The following RASSF8 variants were observed in gnomAD, a reference collection of about 807,000 sequenced individuals.
RASSF8 encodes ras association domain-containing protein 8.
A neutral mutation model predicts 48.5 loss-of-function variants in RASSF8; 22 were observed. That is an observed-to-expected ratio of 0.45 (90% confidence interval 0.32 to 0.65). RASSF8 has a LOEUF of 0.65. RASSF8 is among the 30% of genes least tolerant of loss of function. The probability of loss-of-function intolerance (pLI) is 0.03; values close to 1 mark genes in which losing one functional copy is unlikely to be tolerated. For missense variants in RASSF8, 418 were observed against 489.2 expected, an observed-to-expected ratio of 0.85 and a Z score of 1.37; for synonymous variants, 127 against 171.5, an observed-to-expected ratio of 0.74 and a Z score of 2.03.
At chr12:25,979,689 G>A (rs73077123) in intron 1 of RASSF8, among the ~76,000 whole-genome samples, 9 of 152,150 alleles carry the variant, frequency 5.9e-5, no homozygotes, top group African/African-American at 2.2e-4. Context: ...AGCAGAGCTA[G>A]GATTCGAGGC....
At chr12:26,059,186 A>G (rs138150319) in intron 3 of RASSF8, among the ~76,000 whole-genome samples, 105 of 152,344 alleles carry the variant, frequency 6.9e-4, no homozygotes, top group Non-Finnish European at 1.3e-3. Flanking sequence ...TTCTGCCCTC[A>G]GGCAGCTTAG....
intron 3 of RASSF8, among the ~76,000 whole-genome samples, chr12:26,062,458 C>T (rs61915666): frequency 0.052 from 7,960 of 152,234 alleles, 259 homozygotes; most frequent in East Asian, 0.11. Context: ...ATTTTACATT[C>T]TCACTTGAGT....
At chr12:25,984,534 G>C (rs977434550) in intron 1 of RASSF8, among the ~76,000 whole-genome samples, 1 of 152,090 alleles carries the variant, frequency 6.6e-6, no homozygotes, top group East Asian at 1.9e-4. Flanking sequence ...GTAGATACAG[G>C]GTTTCACCAT....
chr12:26,005,801 C>T (rs1422384540), intron 2 of RASSF8, among the ~76,000 whole-genome samples: 2 of 152,164 alleles, frequency 1.3e-5, no homozygotes, highest in Non-Finnish European at 2.9e-5. Flanking sequence ...TTTACTTTCT[C>T]CCAGATTTCA....
At chr12:26,054,630 G>A (rs1943562525) in intron 2 of RASSF8, among the ~76,000 whole-genome samples, 1 of 152,092 alleles carries the variant, frequency 6.6e-6, no homozygotes, top group South Asian at 2.1e-4. Flanking sequence ...TGGGGAGAGG[G>A]AGGCAAGGGA....
chr12:26,022,822 A>G (rs1420557732), intron 2 of RASSF8, among the ~76,000 whole-genome samples: 2 of 152,072 alleles, frequency 1.3e-5, no homozygotes, highest in African/African-American at 4.8e-5. Flanking sequence ...GCTCACTGCA[A>G]CTTCCGCCTC....
intron 1 of RASSF8, among the ~76,000 whole-genome samples, chr12:25,980,245 A>G (rs1050551300): frequency 7.2e-5 from 11 of 152,218 alleles, no homozygotes; most frequent in African/African-American, 2.7e-4. Context: ...GTGGGCCATT[A>G]TACTGTAATA....
intron 2 of RASSF8, among the ~76,000 whole-genome samples, chr12:26,029,313 A>T (rs1942980941): frequency 6.6e-6 from 1 of 152,152 alleles, no homozygotes; most frequent in Non-Finnish European, 1.5e-5. Flanking sequence ...AACATTGACA[A>T]CCCATGTTAT....
chr12:26,031,723 G>A (rs966019892), intron 2 of RASSF8, among the ~76,000 whole-genome samples: 2 of 152,146 alleles, frequency 1.3e-5, no homozygotes, highest in African/African-American at 4.8e-5. Context: ...TAGGGTCTGC[G>A]GGATCAGAGT....
At chr12:25,964,183 G>T (rs1275821094) in intron 1 of RASSF8, among the ~76,000 whole-genome samples, 1 of 152,006 alleles carries the variant, frequency 6.6e-6, no homozygotes, top group African/African-American at 2.4e-5. Flanking sequence ...CTGGTTACTT[G>T]GGTGACCTTG....
chr12:26,039,936 A>G (rs1943229388), intron 2 of RASSF8, among the ~76,000 whole-genome samples: 1 of 152,218 alleles, frequency 6.6e-6, no homozygotes, highest in Non-Finnish European at 1.5e-5. Context: ...TCTTTTCTAC[A>G]TAATCATGTA....
At chr12:26,013,179 C>G (rs989246134) in intron 2 of RASSF8, among the ~76,000 whole-genome samples, 5 of 152,180 alleles carry the variant, frequency 3.3e-5, no homozygotes, top group African/African-American at 1.2e-4. Flanking sequence ...CCTGTATTCT[C>G]GCTGTGTGGT....
At chr12:25,968,374 G>A (rs764832820) in intron 1 of RASSF8, among the ~76,000 whole-genome samples, 41 of 151,872 alleles carry the variant, frequency 2.7e-4, no homozygotes, top group African/African-American at 6.5e-4. Context: ...ACAGAGTCTC[G>A]CTCTGTCGCC....
chr12:25,959,208 C>G (rs1941164572), intron 1 of RASSF8, 60 bp downstream of exon 1: 1 of 152,298 alleles, frequency 6.6e-6, no homozygotes, highest in Admixed American at 6.5e-5. Flanking sequence ...CCCGCCCGTC[C>G]CGCCTGCAGC....
chr12:26,065,388 G>T lies in RASSF8; in HGVS notation c.993+1G>T. On this transcript the variant is annotated splice_donor_variant, in intron 4 of 5. Transcript: ENST00000689635. LOFTEE classifies it high-confidence loss of function. ...TGGACAAGCCACCAAACGCTTACAG[G>T]TAGGGACACTTTGATAAATAGAATG... The T allele has an allele frequency of 6.3e-7, 1 of 1,592,916 alleles. No individual in the cohort carries two copies. The highest frequency in any genetic ancestry group is 8.5e-7 in the Non-Finnish European group (1 of 1,170,010).
chr12:26,068,195 A>G (rs1419624023), intron 5 of RASSF8, among the ~76,000 whole-genome samples: 4 of 152,166 alleles, frequency 2.6e-5, no homozygotes, highest in Non-Finnish European at 5.9e-5. Context: ...TTTCTAGAGG[A>G]AAACCAGTAA....
At position 26,032,681 on chromosome 12, in the gene RASSF8, CT is replaced by C. The variant is rs1943054042; in HGVS notation, c.-108-22554del. Among the ~76,000 whole-genome samples the C allele has an allele frequency of 4.6e-5, 7 of 152,218 alleles. No homozygotes were observed. In the South Asian group the frequency reaches 1.2e-3, roughly 27 times the overall value. ...CCAAATCTATTAAAAGTGAAAAGAG[CT>C]AGATAGATTTCATTAGCATGCGTAA... On this transcript the variant is annotated intron_variant, in intron 2 of 5. Transcript: ENST00000689635.
chr12:25,958,742 C>T lies in RASSF8; in HGVS notation c.-609C>T, dbSNP rs1345711708. Among the ~76,000 whole-genome samples, 2 of 146,842 alleles carry T rather than the reference C, an allele frequency of 1.4e-5. No homozygotes were observed. The highest frequency in any genetic ancestry group is 3.0e-5 in the Non-Finnish European group (2 of 65,992). ...CTCCTACGCCCGCGCTCCTCCTACG[C>T]CCGCGCTCGTCCGGCGCCCCGCGCC... On this transcript the variant is annotated 5_prime_UTR_variant, in exon 1 of 6. Coordinates refer to ENST00000689635, the MANE Select transcript of RASSF8 (RefSeq NM_001394098.1).
rs528654514 is a variant in RASSF8, at chr12:26,064,727, A to G, written c.333A>G (p.Lys111=). The change falls in exon 4 of 6, where the codon AAA becomes AAG. Residue 111 remains lysine, a synonymous_variant. Transcript: ENST00000689635. ...LYRQSLPPLA[K]LRPQIDKSIK... ...GGCAGAGTCTGCCCCCCTTAGCTAA[A>G]CTGAGGCCTCAGATTGACAAATCAA... 95 of 1,614,032 alleles carry G rather than the reference A, an allele frequency of 5.9e-5. No individual in the cohort carries two copies. The highest frequency in any genetic ancestry group is 8.0e-5 in the Non-Finnish European group (94 of 1,180,018).
Sources: gnomAD v4.1 joint callset for allele counts (sites outside exome capture counted in the v4.1 genomes callset) on GRCh38, gnomAD v4.1.1 for gene constraint, MANE v1.5 for transcripts, NCBI Gene and HGNC (gene_info 2026-07-23, HGNC 2026-07-21) for gene names.